The following PCDH15 variants were observed in gnomAD, a reference collection of about 807,000 sequenced individuals.
PCDH15 encodes the protein protocadherin related 15.
In PCDH15, 129 loss-of-function variants were observed where a neutral mutation model predicts 178.5. That is an observed-to-expected ratio of 0.72 (90% CI 0.63 to 0.84). The LOEUF is 0.84. PCDH15 is among the 40% of genes least tolerant of loss of function. The pLI is 0.00. For synonymous variants in PCDH15, 800 were observed against 732.0 expected (o/e 1.09, Z -1.50); for missense variants, 2,230 against 2,099.9 (o/e 1.06, Z -1.21).
At chr10:55,019,204 C>G (rs962283773) in intron 2 of PCDH15, among the ~76,000 whole-genome samples, 6 of 128,148 alleles carry the variant, frequency 4.7e-5, no homozygotes, top group Admixed American at 3.0e-4. Context: ...ACATTTATTT[C>G]CACTGAACTT....
intron 2 of PCDH15, among the ~76,000 whole-genome samples, chr10:54,910,332 C>G (rs1391968169): frequency 6.6e-6 from 1 of 152,206 alleles, no homozygotes; most frequent in Non-Finnish European, 1.5e-5. Context: ...ACTCCATTCA[C>G]TCTTCATTTA....
intron 2 of PCDH15, among the ~76,000 whole-genome samples, chr10:55,592,067 G>C (rs1842851852): frequency 6.6e-6 from 1 of 152,006 alleles, no homozygotes; most frequent in Admixed American, 6.6e-5. Flanking sequence ...ATTTCTAGTA[G>C]AAAAATGAAT....
chr10:54,032,737 A>C lies in PCDH15; in HGVS notation c.2221-9540T>G, dbSNP rs187251513. Among the ~76,000 whole-genome samples, 725 of 152,086 alleles carry C rather than the reference A, an allele frequency of 4.8e-3. 4 individuals carry two copies. Among genetic ancestry groups the C allele is most frequent in the South Asian group, 0.021 (99 of 4,814 alleles). On this transcript the variant is annotated intron_variant, in intron 18 of 37. Coordinates refer to ENST00000644397, the MANE Select transcript of PCDH15 (RefSeq NM_001384140.1). ...TTCTTGTTTTCAATTTTGTCACTATATTAGTCAGTTTTCACAATGCTATAA... is the reference window on the plus strand; with the variant it reads ...TTCTTGTTTTCAATTTTGTCACTATCTTAGTCAGTTTTCACAATGCTATAA...
intron 1 of PCDH15, among the ~76,000 whole-genome samples, chr10:54,677,684 A>G (rs2094816310): frequency 6.6e-6 from 1 of 152,182 alleles, no homozygotes. Context: ...TATTTTTTCC[A>G]TCTTCCAATT....
At chr10:54,386,697 A>T (rs1949976028) in intron 3 of PCDH15, among the ~76,000 whole-genome samples, 1 of 152,204 alleles carries the variant, frequency 6.6e-6, no homozygotes, top group Admixed American at 6.5e-5. Flanking sequence ...AATAATCAAT[A>T]AACACACAGA....
chr10:55,112,792 C>T (rs966385462), intron 2 of PCDH15, among the ~76,000 whole-genome samples: 2 of 152,166 alleles, frequency 1.3e-5, no homozygotes, highest in African/African-American at 2.4e-5. Context: ...AACTAAGCAA[C>T]ACACTTATCA....
chr10:54,415,394 TCAGA>T (rs1954176663), intron 3 of PCDH15, among the ~76,000 whole-genome samples: 1 of 151,296 alleles, frequency 6.6e-6, no homozygotes, highest in African/African-American at 2.4e-5. Context: ...TTTAAAAAAA[TCAGA>T]CAGAGAAGGA....
In PCDH15 at chr10:54,546,437, G is replaced by T. The variant is rs899361722; in HGVS notation, c.92-18560C>A. On this transcript the variant is annotated intron_variant, in intron 2 of 37. Transcript: ENST00000644397. ...ACTAAATAAATGAAACATTATTATT[G>T]TTATTAGTGATTTCTTATTGAATTC... Among the ~76,000 whole-genome samples, 9 of 151,960 alleles carry T rather than the reference G, an allele frequency of 5.9e-5. No homozygotes were observed. In the South Asian group the frequency reaches 1.2e-3, roughly 21 times the overall value.
At chr10:55,582,628 A>ATATATTTTTTT (rs780312007) in intron 2 of PCDH15, among the ~76,000 whole-genome samples, 3 of 69,030 alleles carry the variant, frequency 4.3e-5, no homozygotes, top group African/African-American at 2.0e-4. Context: ...ATATATATAT[A>ATATATTTTTTT]TTTTTTTTTT....
At chr10:55,214,776 T>G (rs2132175129) in intron 1 of PCDH15, among the ~76,000 whole-genome samples, 1 of 152,120 alleles carries the variant, frequency 6.6e-6, no homozygotes, top group African/African-American at 2.4e-5. Context: ...TATGCTTGGC[T>G]TTAGATGTTG....
rs563645329 is a variant in PCDH15, at chr10:53,881,585, A to G, written c.3502-14728T>C. 9.8e-5 allele frequency among the ~76,000 whole-genome samples: 15 copies of G among 152,336 alleles called. No individual in the cohort carries two copies. The South Asian group carries it at 2.5e-3, about 25-fold the overall frequency. On this transcript the variant is annotated intron_variant, in intron 26 of 37. Coordinates refer to ENST00000644397, the MANE Select transcript of PCDH15 (RefSeq NM_001384140.1). ...ACACATAATAAAATTTATCTTTTGA[A>G]GTTCACACCTGGACTAAATTATTAG...
intron 11 of PCDH15, among the ~76,000 whole-genome samples, chr10:54,193,147 C>T (rs1337292176): frequency 6.6e-6 from 1 of 152,114 alleles, no homozygotes; most frequent in African/African-American, 2.4e-5. Context: ...GTTTTAGACC[C>T]CTGAGCTCTC....
intron 3 of PCDH15, among the ~76,000 whole-genome samples, chr10:54,808,934 C>T (rs1952820321): frequency 6.9e-6 from 1 of 145,606 alleles, no homozygotes; most frequent in African/African-American, 2.7e-5. Flanking sequence ...ATTTAAGTGG[C>T]TGGGAAAAGA....
chr10:54,740,281 C>T (rs1334566165), intron 1 of PCDH15, among the ~76,000 whole-genome samples: 6 of 151,880 alleles, frequency 4.0e-5, no homozygotes, highest in Non-Finnish European at 7.4e-5. Context: ...AAATAATGTT[C>T]AAAATCACTA....
chr10:54,076,195 T>G (rs2094338904), intron 17 of PCDH15, among the ~76,000 whole-genome samples: 2 of 152,162 alleles, frequency 1.3e-5, no homozygotes, highest in Non-Finnish European at 2.9e-5. Context: ...AGTTAATTCC[T>G]GAGTATTTTA....
chr10:54,369,044 T>C (rs922711808), intron 5 of PCDH15, 76 bp downstream of exon 5: 30 of 1,485,208 alleles, frequency 2.0e-5, no homozygotes, highest in Non-Finnish European at 2.8e-5. Context: ...AAAGGAATCA[T>C]TTATAAACAT....
At chr10:54,699,429 C>T (rs145384495) in intron 1 of PCDH15, among the ~76,000 whole-genome samples, 1 of 152,082 alleles carries the variant, frequency 6.6e-6, no homozygotes, top group Non-Finnish European at 1.5e-5. Flanking sequence ...CTATCAAGAC[C>T]CATAACCAGA....
intron 3 of PCDH15, among the ~76,000 whole-genome samples, chr10:54,860,445 T>C (rs932129008): frequency 6.6e-6 from 1 of 152,194 alleles, no homozygotes; most frequent in African/African-American, 2.4e-5. Flanking sequence ...GACAATGGCC[T>C]CCAGCTCCAT....
rs370064169 is a variant in PCDH15, at chr10:55,243,254, G to A, written c.-156+76345C>T. 1.5e-4 allele frequency among the ~76,000 whole-genome samples: 23 copies of A among 152,196 alleles called. No individual in the cohort carries two copies. The South Asian group carries it at 4.2e-3, about 28-fold the overall frequency. On this transcript the variant is annotated intron_variant, in intron 1 of 5. Coordinates refer to the PCDH15 transcript ENST00000458638. ...AGCTTCCCCCAAACACACAACAAAT[G>A]AACAAGAGTAGAACTGCAGGCTTTT...
Sources: allele counts gnomAD v4.1 joint callset (sites outside exome capture counted in the v4.1 genomes callset), GRCh38; gene constraint gnomAD v4.1.1; transcripts MANE v1.5; gene names NCBI Gene and HGNC (gene_info 2026-07-23, HGNC 2026-07-21).